Variants in ATP8B1 observed in about 807,000 individuals in gnomAD.
ATP8B1 encodes phospholipid-transporting ATPase IC.
ATP8B1 carries 80 observed loss-of-function variants against 149.9 expected under a neutral mutation model. The observed-to-expected ratio is 0.53, with a 90% CI of 0.45 to 0.64. The LOEUF is 0.64. Among genes scored for constraint, ATP8B1 ranks in the 30% least tolerant of loss-of-function variants. ATP8B1 has a pLI of 0.00. For missense variants in ATP8B1, 1,247 were observed against 1,552.6 expected (o/e 0.80, Z 3.31); for synonymous variants, 536 against 562.8 (o/e 0.95, Z 0.67).
intron 17 of ATP8B1, among the ~76,000 whole-genome samples, chr18:57,671,078 C>T (rs72944118): frequency 0.2 from 30,139 of 152,202 alleles, 3,509 homozygotes; most frequent in South Asian, 0.28. Flanking sequence ...CATCCTGTCA[C>T]ATATGAATGC....
chr18:57,761,376 C>T (rs2080156969), intron 1 of ATP8B1, among the ~76,000 whole-genome samples: 1 of 152,132 alleles, frequency 6.6e-6, no homozygotes, highest in Admixed American at 6.5e-5. Flanking sequence ...TAGCATGGCA[C>T]CACGAGCAGT....
At chr18:57,683,896 T>C (rs1223253371) in intron 15 of ATP8B1, 140 bp downstream of exon 15, 10 of 1,116,184 alleles carry the variant, frequency 9.0e-6, no homozygotes, top group Non-Finnish European at 1.3e-5. Context: ...CATCTAGTGG[T>C]AAGTGCTGAG....
At chr18:57,666,410 T>C (rs1033158421) in intron 20 of ATP8B1, among the ~76,000 whole-genome samples, 53 of 152,208 alleles carry the variant, frequency 3.5e-4, no homozygotes, top group Admixed American at 1.2e-3. Flanking sequence ...GTTTTTTTTT[T>C]CCTTTCTTCT....
intron 1 of ATP8B1, among the ~76,000 whole-genome samples, chr18:57,779,743 C>CA (rs1368979567): frequency 2.0e-5 from 3 of 151,802 alleles, no homozygotes; most frequent in African/African-American, 4.8e-5. Flanking sequence ...ACTAAAAACA[C>CA]AAAAAAATTA....
chr18:57,684,006 T>C (rs1912106868), intron 15 of ATP8B1, 30 bp downstream of exon 15: 2 of 1,614,082 alleles, frequency 1.2e-6, no homozygotes, highest in Non-Finnish European at 1.7e-6. Flanking sequence ...ACCTGGTCTC[T>C]AATGCCTGAG....
At chr18:57,657,818 G>T (rs1167721586) in intron 22 of ATP8B1, among the ~76,000 whole-genome samples, 2 of 152,110 alleles carry the variant, frequency 1.3e-5, no homozygotes, top group Non-Finnish European at 1.5e-5. Flanking sequence ...CAACCTTCCC[G>T]CTGAGCAGAC....
At chr18:57,658,010 A>T (rs969869718) in intron 22 of ATP8B1, among the ~76,000 whole-genome samples, 14 of 152,120 alleles carry the variant, frequency 9.2e-5, no homozygotes, top group African/African-American at 3.4e-4. Context: ...ATCATTCCTT[A>T]ACAAAAAGAA....
At chr18:57,700,004 T>C (rs1913041336) in intron 6 of ATP8B1, among the ~76,000 whole-genome samples, 1 of 152,174 alleles carries the variant, frequency 6.6e-6, no homozygotes, top group Non-Finnish European at 1.5e-5. Context: ...ACTTGAGCAT[T>C]AGCAGGGTAG....
At chr18:57,666,797 A>T (rs990611509) in intron 20 of ATP8B1, among the ~76,000 whole-genome samples, 1 of 152,108 alleles carries the variant, frequency 6.6e-6, no homozygotes, top group South Asian at 2.1e-4. Flanking sequence ...CGGCCTCCCA[A>T]AGGGCTGGGA....
rs1568207601 is a variant in ATP8B1, at chr18:57,713,231, C to CCTTT, written c.182-6645_182-6644insAAAG. 1.5e-4 allele frequency among the ~76,000 whole-genome samples: 20 copies of CCTTT among 130,634 alleles called. 1 individual carries two copies. The East Asian group carries it at 5.9e-3, about 38-fold the overall frequency. 85.7% of individuals were successfully genotyped at this position (130,634 alleles called of 152,430 possible). ...TCCTTCCTTCCTTCCTTCCTTCCTT[C>CCTTT]CTTCCTTCCTTCTTTCTTTCTTTCT... is the stretch of plus-strand genomic sequence containing the variant. On this transcript the variant is annotated intron_variant, in intron 2 of 27. Coordinates refer to ENST00000648908, the MANE Select transcript of ATP8B1 (RefSeq NM_001374385.1).
At chr18:57,800,196 G>A (rs376844609) in intron 1 of ATP8B1, among the ~76,000 whole-genome samples, 1 of 152,136 alleles carries the variant, frequency 6.6e-6, no homozygotes, top group African/African-American at 2.4e-5. Context: ...AGAGATTTGG[G>A]ACATAAATTG....
At chr18:57,789,140 G>A (rs919815346) in intron 1 of ATP8B1, among the ~76,000 whole-genome samples, 1 of 152,066 alleles carries the variant, frequency 6.6e-6, no homozygotes, top group African/African-American at 2.4e-5. Flanking sequence ...ATCATTTTTA[G>A]TGTAAGTCAG....
chr18:57,678,478 T>C (rs1007702106), intron 15 of ATP8B1, among the ~76,000 whole-genome samples: 1 of 151,642 alleles, frequency 6.6e-6, no homozygotes, highest in Non-Finnish European at 1.5e-5. Context: ...TCCCAGCTAC[T>C]TGGGAGGCTG....
In ATP8B1 at chr18:57,650,605, G is replaced by A. The variant is rs11152025; in HGVS notation, c.3401-108C>T. The A allele has an allele frequency of 0.25, 349,705 of 1,380,424 alleles. 46,384 individuals are homozygous for A. Among genetic ancestry groups the A allele is most frequent in the Non-Finnish European group, 0.28 (280,033 of 1,003,616 alleles). 85.5% of individuals were successfully genotyped at this position (1,380,424 alleles called of 1,614,324 possible). A position where few individuals can be genotyped will look rare whatever the true frequency, so the allele number is the denominator to read the frequency against. On this transcript the variant is annotated intron_variant, in intron 26 of 27. Transcript: ENST00000648908. Reference sequence around the variant, plus strand: ...TGCCTGTAATCCTAACACTTTGAGAGGCCAAGGTGGGTGGATTGCCAGAGC... The same window carrying A: ...TGCCTGTAATCCTAACACTTTGAGAAGCCAAGGTGGGTGGATTGCCAGAGC...
chr18:57,797,723 T>TC (rs2080529039), intron 1 of ATP8B1, among the ~76,000 whole-genome samples: 1 of 147,356 alleles, frequency 6.8e-6, no homozygotes, highest in African/African-American at 2.5e-5. Flanking sequence ...TTTTTTTTTT[T>TC]TTGAGATGGA....
intron 2 of ATP8B1, chr18:57,731,419 G>C: frequency 1.9e-6 from 1 of 525,426 alleles, no homozygotes; most frequent in South Asian, 2.1e-5. Context: ...TGCAGAACTT[G>C]TCAGATATGC....
rs184099920 is a variant in ATP8B1 at position 57,716,296 on chromosome 18, G to A, written c.182-9709C>T. ...GGAAGGGAGGAAAGAAGGAAGAGAA[G>A]ACCACAAAGCCACCGGAAAACATAA... On this transcript the variant is annotated intron_variant, in intron 2 of 27. Transcript: ENST00000648908. Among the ~76,000 whole-genome samples, 10 of 151,772 alleles carry A rather than the reference G, an allele frequency of 6.6e-5. No homozygotes were observed. In the East Asian group the frequency reaches 1.7e-3, roughly 26 times the overall value.
At chr18:57,783,079 CTGGGA>C (rs1387941972) in intron 1 of ATP8B1, among the ~76,000 whole-genome samples, 1 of 152,056 alleles carries the variant, frequency 6.6e-6, no homozygotes, top group Non-Finnish European at 1.5e-5. Context: ...TCCCAAAGTG[CTGGGA>C]TTACAGGCGT....
At chr18:57,762,296 G>A (rs1393743979) in intron 1 of ATP8B1, among the ~76,000 whole-genome samples, 5 of 151,738 alleles carry the variant, frequency 3.3e-5, no homozygotes, top group African/African-American at 4.8e-5. Flanking sequence ...CCGCCAACAC[G>A]CCTGGCTAAT....
Sources: allele counts gnomAD v4.1 joint callset (sites outside exome capture counted in the v4.1 genomes callset), GRCh38; gene constraint gnomAD v4.1.1; transcripts MANE v1.5; gene names NCBI Gene and HGNC (gene_info 2026-07-23, HGNC 2026-07-21).